PEX19: variants seen among roughly 807,000 people sequenced by gnomAD.
The protein encoded by PEX19 is peroxisomal biogenesis factor 19.
PEX19 carries 29 observed loss-of-function variants against 36.3 expected under a neutral mutation model. That is an observed-to-expected ratio of 0.80 (90% CI 0.60 to 1.09). The LOEUF is 1.09. Among genes scored for constraint, PEX19 ranks in the 50% least tolerant of loss-of-function variants. The pLI, the probability that PEX19 is intolerant of heterozygous loss-of-function variation, is 0.00. For synonymous variants in PEX19, 141 were observed against 135.2 expected, an observed-to-expected ratio of 1.04 and a Z score of -0.30; for missense variants, 396 against 368.1, an observed-to-expected ratio of 1.08 and a Z score of -0.62.
Position 160,282,054 on chromosome 1 carries a change from C to T in PEX19, c.579G>A (p.Lys193=), listed in dbSNP as rs764414872. 1 of 1,614,070 alleles carries T rather than the reference C, an allele frequency of 6.2e-7. No individual in the cohort carries two copies. Among genetic ancestry groups the T allele is most frequent in the Non-Finnish European group, 8.5e-7 (1 of 1,179,926 alleles). ...GTTCACAAACCTTTTCTGTGATCTC[C>T]TTCAGTGATGGGTACAGCACATCCT... ...LSKDVLYPSL[K]EITEKYPEWL... is the part of the protein sequence containing the mutation. The change falls in exon 5 of 8, where the codon AAG becomes AAA. Residue 193 remains lysine, a synonymous_variant. Transcript: ENST00000368072.
Position 160,283,043 on chromosome 1 carries a change from C to T in PEX19, c.247G>A (p.Ala83Thr). The T allele has an allele frequency of 1.2e-6, 2 of 1,614,186 alleles. No individual in the cohort carries two copies. Among genetic ancestry groups the T allele is most frequent in the Non-Finnish European group, 1.7e-6 (2 of 1,180,038 alleles). ...ELFDSELASQATAEFEKAMKE... is the reference protein window; with the variant it reads ...ELFDSELASQTTAEFEKAMKE... ...ATTGCCTTCTCGAACTCCGCAGTGG[C>T]TTGGGAAGCCAGTTCACTGTCGAAT... is the stretch of plus-strand genomic sequence containing the variant. Residue 83 changes from alanine (A) to threonine (T), a missense_variant, in exon 3 of 8, where the codon GCC becomes ACC. Transcript: ENST00000368072.
Position 160,279,147 on chromosome 1 carries a change from C to T in PEX19, c.*404G>A, listed in dbSNP as rs1250719713. The T allele has an allele frequency of 2.2e-6, 1 of 453,976 alleles. No individual in the cohort carries two copies. Among genetic ancestry groups the T allele is most frequent in the Non-Finnish European group, 4.4e-6 (1 of 226,984 alleles). The allele number at this position is 453,976 out of a possible 1,614,324, so 28.1% of individuals were successfully genotyped here. ...TATAGAAATACAGAGTCCCAGGTCT[C>T]TGCCCCTCCTCCCCAGATCCAAGAG... On this transcript the variant is annotated 3_prime_UTR_variant, in exon 8 of 8. Coordinates refer to ENST00000368072, the MANE Select transcript of PEX19 (RefSeq NM_002857.4).
In PEX19 at chr1:160,277,942, C is replaced by T; in HGVS notation, c.*1609G>A. 1 of 693,230 alleles carries T rather than the reference C, an allele frequency of 1.4e-6. No homozygotes were observed. The highest frequency in any genetic ancestry group is 1.5e-5 in the South Asian group (1 of 66,636). The allele number at this position is 693,230 out of a possible 1,614,324, so 42.9% of individuals were successfully genotyped here. A position where few individuals can be genotyped will look rare whatever the true frequency, so the allele number is the denominator to read the frequency against. ...TGGAATTTCCCAAATAGCCTGAGAC[C>T]TTGAGAACATTTCCTTCCTCACCAA... is the stretch of plus-strand genomic sequence containing the variant. On this transcript the variant is annotated 3_prime_UTR_variant, in exon 8 of 8. Coordinates refer to ENST00000368072, the MANE Select transcript of PEX19 (RefSeq NM_002857.4).
intron 5 of PEX19, 122 bp downstream of exon 5, chr1:160,281,917 T>G (rs1162656058): frequency 1.2e-6 from 1 of 828,502 alleles, no homozygotes; most frequent in Non-Finnish European, 2.0e-6. Flanking sequence ...CTCAAATAAA[T>G]AAAGAAGGAA....
In PEX19 at chr1:160,279,670, A is replaced by C. The variant is rs754459621; in HGVS notation, c.817-36T>G. 5.7e-6 allele frequency: 9 copies of C among 1,582,638 alleles called. No individual in the cohort carries two copies. In the Admixed American group the frequency reaches 1.5e-4, roughly 26 times the overall value. On this transcript the variant is annotated intron_variant, in intron 7 of 7. Transcript: ENST00000368072. ...GATGAAGGGACTCAGATAGTTGCTC[A>C]TTTTTTAGGACAGACGTGAAGATCC...
chr1:160,278,890 A>C lies in PEX19; in HGVS notation c.*661T>G, dbSNP rs546569997. 65 of 454,042 alleles carry C rather than the reference A, an allele frequency of 1.4e-4. No homozygotes were observed. Among genetic ancestry groups the C allele is most frequent in the African/African-American group, 1.3e-3 (64 of 50,108 alleles). The allele number at this position is 454,042 out of a possible 1,614,324, so 28.1% of individuals were successfully genotyped here. A position where few individuals can be genotyped will look rare whatever the true frequency, so the allele number is the denominator to read the frequency against. The stretch of plus-strand genomic sequence containing the variant: ...CCATATCACACAGCATTGTAGGAAG[A>C]AGCAGGGTAACCATTTGAGTTCTCA... On this transcript the variant is annotated 3_prime_UTR_variant, in exon 8 of 8. Coordinates refer to ENST00000368072, the MANE Select transcript of PEX19 (RefSeq NM_002857.4).
chr1:160,281,743 T>C (rs1039250720), intron 5 of PEX19, among the ~76,000 whole-genome samples: 8 of 152,182 alleles, frequency 5.3e-5, no homozygotes, highest in African/African-American at 1.4e-4. Context: ...AAATGCAAGA[T>C]TGATCAGACA....
At chr1:160,280,340 G>T in intron 5 of PEX19, 94 bp from the exon 6 acceptor site, 1 of 1,273,038 alleles carries the variant, frequency 7.9e-7, no homozygotes. Flanking sequence ...AAAGGGAAAG[G>T]GACGTAGAAA....
intron 7 of PEX19, 78 bp from the exon 8 acceptor site, chr1:160,279,712 A>G (rs1291080732): frequency 1.9e-6 from 3 of 1,539,044 alleles, no homozygotes; most frequent in Admixed American, 1.7e-5. Context: ...AGTAGCCACA[A>G]TTTTCACCTT....
intron 4 of PEX19, 23 bp from the exon 5 acceptor site, chr1:160,282,223 G>C: frequency 6.2e-7 from 1 of 1,613,452 alleles, no homozygotes. Context: ...AGTAAGAGGT[G>C]AGCAGGTATA....
rs1657814709 is a variant in PEX19, at chr1:160,282,504, T to C, written c.347-2A>G. 6.2e-7 allele frequency: 1 copy of C among 1,611,278 alleles called. No individual in the cohort carries two copies. The highest frequency in any genetic ancestry group is 1.3e-5 in the African/African-American group (1 of 74,844). ...CTTGTTGGGAGGTCATATCACTGCC[T>C]AGGAGAGATTAAAAAAGCCAGCGTC... is the stretch of plus-strand genomic sequence containing the variant. On this transcript the variant is annotated splice_acceptor_variant, in intron 3 of 7. Transcript: ENST00000368072. LOFTEE classifies it high-confidence loss of function.
At position 160,278,512 on chromosome 1, in the gene PEX19, C is replaced by A; in HGVS notation, c.*1039G>T. The A allele has an allele frequency of 2.1e-6, 1 of 486,018 alleles. No individual in the cohort carries two copies. The highest frequency in any genetic ancestry group is 4.0e-6 in the Non-Finnish European group (1 of 248,552). 30.1% of individuals were successfully genotyped at this position (486,018 alleles called of 1,614,324 possible). ...TCAGAATATTTATTATATTCTGCCC[C>A]ATGGGGCCTTGCAGGAAAAGGGACC... On this transcript the variant is annotated 3_prime_UTR_variant, in exon 8 of 8. Coordinates refer to ENST00000368072, the MANE Select transcript of PEX19 (RefSeq NM_002857.4).
At position 160,282,954 on chromosome 1, in the gene PEX19, T is replaced by C. The variant is rs1657837766; in HGVS notation, c.336A>G (p.Ala112=). The C allele has an allele frequency of 1.2e-6, 2 of 1,614,126 alleles. No individual in the cohort carries two copies. The highest frequency in any genetic ancestry group is 8.5e-7 in the Non-Finnish European group (1 of 1,180,046). ...CTGGGGTCTCCTCACCCACTCTCCC[T>C]GCAGCCTCTGAGAGCTTTTGGAACT... ...VEQFQKLSEA[A]GRVGSDMTSQ... Residue 112 remains alanine (A), a synonymous_variant, in exon 3 of 8, where the codon GCA becomes GCG. Coordinates refer to ENST00000368072, the MANE Select transcript of PEX19 (RefSeq NM_002857.4).
At chr1:160,283,789 C>T (rs919658128) in intron 1 of PEX19, 150 bp from the exon 2 acceptor site, 2 of 694,716 alleles carry the variant, frequency 2.9e-6, no homozygotes, top group Non-Finnish European at 5.2e-6. Context: ...CCTCCCCAGA[C>T]CACCCTCAAT....
rs377403132 is a variant in PEX19, at chr1:160,277,228, T to C, written c.*2323A>G. On this transcript the variant is annotated 3_prime_UTR_variant, in exon 8 of 8. Transcript: ENST00000368072. ...TTTTTTTTTTCACCAGTCTGTGACA[T>C]GGTGAATTAGAAATTGAGAGTGTTT... 483 of 455,078 alleles carry C rather than the reference T, an allele frequency of 1.1e-3. 2 individuals carry two copies. Among genetic ancestry groups the C allele is most frequent in the African/African-American group, 8.9e-3 (446 of 49,868 alleles). 28.2% of individuals were successfully genotyped at this position (455,078 alleles called of 1,614,324 possible).
intron 2 of PEX19, 100 bp downstream of exon 2, chr1:160,283,430 C>A: frequency 2.4e-6 from 2 of 828,956 alleles, no homozygotes; most frequent in Non-Finnish European, 3.9e-6. Context: ...GGCCAAGGTA[C>A]CCTCCCACAT....
rs1657670404 is a variant in PEX19, at chr1:160,279,423, G to C, written c.*128C>G. 2 of 804,602 alleles carry C rather than the reference G, an allele frequency of 2.5e-6. No homozygotes were observed. The highest frequency in any genetic ancestry group is 4.4e-6 in the Non-Finnish European group (2 of 454,990). The allele number at this position is 804,602 out of a possible 1,614,324, so 49.8% of individuals were successfully genotyped here. A position where few individuals can be genotyped will look rare whatever the true frequency, so the allele number is the denominator to read the frequency against. On this transcript the variant is annotated 3_prime_UTR_variant, in exon 8 of 8. Transcript: ENST00000368072. ...ACCTCAGCTGGTATGGCACAATCTT[G>C]AATGGGATGACAGAGGGCAGCGGGC...
chr1:160,283,170 T>C, intron 2 of PEX19, 61 bp from the exon 3 acceptor site: 1 of 1,578,830 alleles, frequency 6.3e-7, no homozygotes, highest in Non-Finnish European at 8.7e-7. Context: ...ACCTGGCCTC[T>C]GATAGAAGCC....
At position 160,278,153 on chromosome 1, in the gene PEX19, G is replaced by T; in HGVS notation, c.*1398C>A. 1 of 702,472 alleles carries T rather than the reference G, an allele frequency of 1.4e-6. No homozygotes were observed. Among genetic ancestry groups the T allele is most frequent in the South Asian group, 1.5e-5 (1 of 67,606 alleles). The allele number at this position is 702,472 out of a possible 1,614,324, so 43.5% of individuals were successfully genotyped here. On this transcript the variant is annotated 3_prime_UTR_variant, in exon 8 of 8. Transcript: ENST00000368072. ...TACCAACATATGTCAGCCAAGGTCCGTAGACCCACTGGGAGCCACAGAAAA... is the reference window on the plus strand; with the variant it reads ...TACCAACATATGTCAGCCAAGGTCCTTAGACCCACTGGGAGCCACAGAAAA...
Sources: gnomAD v4.1 joint callset for allele counts (sites outside exome capture counted in the v4.1 genomes callset) on GRCh38, gnomAD v4.1.1 for gene constraint, MANE v1.5 for transcripts, NCBI Gene and HGNC (gene_info 2026-07-23, HGNC 2026-07-21) for gene names.